Variants in KAZN observed in about 807,000 individuals in gnomAD.
The protein encoded by KAZN is kazrin, periplakin interacting protein.
A neutral mutation model predicts 87.4 loss-of-function variants in KAZN; 40 were observed. That is an observed-to-expected ratio of 0.46 (90% confidence interval 0.36 to 0.60). The LOEUF (loss-of-function observed/expected upper bound fraction) is 0.60. KAZN is among the 20% of genes least tolerant of loss of function. The pLI is 0.00. For missense variants in KAZN, 898 were observed against 1,073.9 expected (o/e 0.84, Z 2.29); for synonymous variants, 466 against 458.3 (o/e 1.02, Z -0.22).
chr1:14,590,609 A>C (rs1331774147), intron 2 of KAZN, among the ~76,000 whole-genome samples: 3 of 152,180 alleles, frequency 2.0e-5, no homozygotes, highest in East Asian at 1.9e-4. Context: ...AGTTAGTAGA[A>C]ATAAATGGTT....
At chr1:14,914,850 G>GTA in intron 1 of KAZN, among the ~76,000 whole-genome samples, 1 of 152,332 alleles carries the variant, frequency 6.6e-6, no homozygotes, top group South Asian at 2.1e-4. Flanking sequence ...AATAGCAATA[G>GTA]CACTTACATA....
rs193099304 is a variant in KAZN at position 14,891,761 on chromosome 1, G to A, written c.227-68923G>A. On this transcript the variant is annotated intron_variant, in intron 1 of 14. Transcript: ENST00000376030. ...TTAACGGGGGTAGTGGGATTTTACA[G>A]GTGATTTATACTTTTTTTTTCTTTG... Among the ~76,000 whole-genome samples, 11 of 152,264 alleles carry A rather than the reference G, an allele frequency of 7.2e-5. No individual in the cohort carries two copies. In the East Asian group the frequency reaches 2.1e-3, roughly 29 times the overall value.
intron 1 of KAZN, among the ~76,000 whole-genome samples, chr1:14,674,777 G>GTTTTC (rs977207274): frequency 3.3e-5 from 5 of 151,824 alleles, no homozygotes; most frequent in Admixed American, 6.6e-5. Context: ...ATTTTATCTT[G>GTTTTC]TTTTCTTTTC....
chr1:15,059,357 T>C (rs1638580726), intron 5 of KAZN, among the ~76,000 whole-genome samples: 1 of 152,158 alleles, frequency 6.6e-6, no homozygotes, highest in African/African-American at 2.4e-5. Flanking sequence ...GCAACAGGAA[T>C]GGCAGAGACC....
At chr1:14,185,114 TAAG>T (rs770938757) in intron 2 of KAZN, among the ~76,000 whole-genome samples, 12 of 152,136 alleles carry the variant, frequency 7.9e-5, no homozygotes, top group Non-Finnish European at 1.8e-4. Flanking sequence ...ATCCTGGGCT[TAAG>T]AAGGTCACAG....
intron 1 of KAZN, among the ~76,000 whole-genome samples, chr1:14,847,229 C>T (rs1338690837): frequency 6.6e-6 from 1 of 152,298 alleles, no homozygotes; most frequent in African/African-American, 2.4e-5. Context: ...ATAGACATCA[C>T]AGTGCCATCT....
chr1:14,867,091 G>A (rs1440017200), intron 1 of KAZN, among the ~76,000 whole-genome samples: 3 of 87,170 alleles, frequency 3.4e-5, no homozygotes, highest in African/African-American at 9.3e-5. Flanking sequence ...CCAAGTTCGG[G>A]CTCGTTTTTT....
chr1:14,742,853 T>C (rs2100441790), intron 1 of KAZN, among the ~76,000 whole-genome samples: 1 of 152,320 alleles, frequency 6.6e-6, no homozygotes, highest in African/African-American at 2.4e-5. Flanking sequence ...GGGTTCAGTG[T>C]GTGTCTTGCC....
At chr1:14,833,472 C>T (rs943942844) in intron 1 of KAZN, among the ~76,000 whole-genome samples, 6 of 152,100 alleles carry the variant, frequency 3.9e-5, no homozygotes, top group Admixed American at 2.6e-4. Flanking sequence ...CATTGTTGAG[C>T]AGTCACCACA....
At chr1:15,006,205 T>C (rs1181652568) in intron 2 of KAZN, among the ~76,000 whole-genome samples, 1 of 152,236 alleles carries the variant, frequency 6.6e-6, no homozygotes, top group African/African-American at 2.4e-5. Flanking sequence ...CAGTATCTTG[T>C]TGAAGCAAAG....
intron 1 of KAZN, among the ~76,000 whole-genome samples, chr1:14,797,451 TGA>T (rs1245691732): frequency 1.3e-5 from 2 of 152,106 alleles, no homozygotes; most frequent in Admixed American, 1.3e-4. Context: ...TTCCAGGAGA[TGA>T]GAGTCTATGA....
intron 1 of KAZN, among the ~76,000 whole-genome samples, chr1:14,130,065 A>G (rs1351539944): frequency 6.6e-6 from 1 of 152,272 alleles, no homozygotes; most frequent in Non-Finnish European, 1.5e-5. Flanking sequence ...ATTACATTTT[A>G]CAACAGTCAG....
chr1:14,978,113 G>A (rs534992964), intron 2 of KAZN, among the ~76,000 whole-genome samples: 13 of 152,160 alleles, frequency 8.5e-5, no homozygotes, highest in East Asian at 3.9e-4. Flanking sequence ...CTCCCTCCCC[G>A]TGGCCTTCCT....
intron 2 of KAZN, among the ~76,000 whole-genome samples, chr1:14,356,739 T>C (rs1659061915): frequency 6.6e-6 from 1 of 152,184 alleles, no homozygotes; most frequent in Admixed American, 6.5e-5. Flanking sequence ...TGGTTGTGGA[T>C]GTGTGGCGTT....
intron 1 of KAZN, among the ~76,000 whole-genome samples, chr1:14,935,412 C>G (rs1464819717): frequency 6.6e-6 from 1 of 152,098 alleles, no homozygotes; most frequent in Non-Finnish European, 1.5e-5. Flanking sequence ...AACCCCCAGC[C>G]CCATCCCCCA....
chr1:14,210,146 G>C (rs1372398484), intron 2 of KAZN, among the ~76,000 whole-genome samples: 1 of 152,202 alleles, frequency 6.6e-6, no homozygotes, highest in Non-Finnish European at 1.5e-5. Flanking sequence ...CACATATCAT[G>C]AGAGGGACAC....
chr1:14,959,286 G>A (rs755565544), intron 1 of KAZN, among the ~76,000 whole-genome samples: 1 of 152,206 alleles, frequency 6.6e-6, no homozygotes, highest in African/African-American at 2.4e-5. Flanking sequence ...TGGAGTAGAC[G>A]CTTGTGTCAC....
chr1:14,477,454 C>T (rs1440528932), intron 2 of KAZN, among the ~76,000 whole-genome samples: 1 of 139,528 alleles, frequency 7.2e-6, no homozygotes, highest in Non-Finnish European at 1.5e-5. Context: ...CCCCCTCTCT[C>T]TCTCTCTCTT....
chr1:14,916,459 T>A (rs1277574605), intron 1 of KAZN, among the ~76,000 whole-genome samples: 1 of 152,216 alleles, frequency 6.6e-6, no homozygotes, highest in African/African-American at 2.4e-5. Context: ...ATTACAGGCG[T>A]GAGCCACCAC....
Sources: gnomAD v4.1 joint callset for allele counts (sites outside exome capture counted in the v4.1 genomes callset) on GRCh38, gnomAD v4.1.1 for gene constraint, MANE v1.5 for transcripts, NCBI Gene and HGNC (gene_info 2026-07-23, HGNC 2026-07-21) for gene names.